KCTD2: variants seen among roughly 807,000 people sequenced by gnomAD.
KCTD2 encodes BTB/POZ domain-containing protein KCTD2.
A neutral mutation model predicts 27.9 loss-of-function variants in KCTD2; 18 were observed. That is an observed-to-expected ratio of 0.64 (90% CI 0.45 to 0.96). KCTD2 has a LOEUF of 0.96. KCTD2 is among the 40% of genes least tolerant of loss of function. The pLI is 0.00. For synonymous variants in KCTD2, 175 were observed against 148.4 expected, an observed-to-expected ratio of 1.18 and a Z score of -1.30; for missense variants, 280 against 348.0, an observed-to-expected ratio of 0.80 and a Z score of 1.56.
chr17:75,034,823 CG>C (rs898936375), intron 2 of KCTD2, among the ~76,000 whole-genome samples: 3 of 152,080 alleles, frequency 2.0e-5, no homozygotes, highest in African/African-American at 4.8e-5. Context: ...TGCTGGGATT[CG>C]GGCAAGGGCT....
intron 4 of KCTD2, chr17:75,060,731 G>A (rs1010067775): frequency 3.1e-5 from 24 of 772,292 alleles, no homozygotes; most frequent in Non-Finnish European, 3.8e-5. Context: ...GGGATCAACC[G>A]CCTGAGTAAA....
chr17:75,032,591 C>T (rs1162509731), upstream of KCTD2: 1 of 152,948 alleles, frequency 6.5e-6, no homozygotes, highest in South Asian at 2.1e-4. This position sits in a 1 kb window ranked among gnomAD's most constrained non-coding sequence, Gnocchi z 4.8. Context: ...GTTTTGCCTT[C>T]GAGGAGGGGT....
chr17:75,055,542 C>A (rs954248960), intron 3 of KCTD2, among the ~76,000 whole-genome samples: 5 of 150,574 alleles, frequency 3.3e-5, no homozygotes, highest in Non-Finnish European at 7.4e-5. Flanking sequence ...ATGGTGAAAC[C>A]CTGTCTACTG....
chr17:75,046,656 C>A (rs900101256), upstream of KCTD2, among the ~76,000 whole-genome samples: 1 of 152,246 alleles, frequency 6.6e-6, no homozygotes, highest in Non-Finnish European at 1.5e-5. Context: ...GCGCTGGGAG[C>A]GGACTGCACG....
At chr17:75,055,842 AAAAG>A (rs529126364) in intron 3 of KCTD2, among the ~76,000 whole-genome samples, 169 of 151,490 alleles carry the variant, frequency 1.1e-3, no homozygotes, top group African/African-American at 3.0e-3. Context: ...TAAAAAAAAA[AAAAG>A]AAAGAAAGAA....
chr17:75,042,511 T>C, upstream of KCTD2: 1 of 1,600,580 alleles, frequency 6.2e-7, no homozygotes, highest in African/African-American at 1.3e-5. Flanking sequence ...TGGGGTTCCC[T>C]CTCAGAAACA....
chr17:75,059,744 AAG>A, intron 4 of KCTD2, 139 bp downstream of exon 4: 5 of 643,306 alleles, frequency 7.8e-6, no homozygotes, highest in South Asian at 5.9e-5. Context: ...AACATGGGCA[AAG>A]AGCCATTTGG....
At chr17:75,054,062 G>A (rs1692893211) in intron 3 of KCTD2, among the ~76,000 whole-genome samples, 1 of 151,778 alleles carries the variant, frequency 6.6e-6, no homozygotes, top group Admixed American at 6.6e-5. Context: ...CCGTTGCCCA[G>A]GTTGGAGTGC....
At chr17:75,052,449 G>A (rs962576302) in intron 2 of KCTD2, among the ~76,000 whole-genome samples, 3 of 152,114 alleles carry the variant, frequency 2.0e-5, no homozygotes, top group Middle Eastern at 3.2e-3. Flanking sequence ...GGCTGGGTGC[G>A]GTGGCTTTAC....
chr17:75,053,324 C>T (rs916793238), intron 3 of KCTD2, among the ~76,000 whole-genome samples: 1 of 152,140 alleles, frequency 6.6e-6, no homozygotes, highest in Non-Finnish European at 1.5e-5. Flanking sequence ...AGAAGATTGT[C>T]GCTGCTTACC....
intron 1 of KCTD2, chr17:75,033,940 C>CT (rs1260506642): frequency 6.6e-6 from 1 of 152,272 alleles, no homozygotes; most frequent in African/African-American, 2.4e-5. Flanking sequence ...CACTGGCCTC[C>CT]TAAGCCAGGG....
chr17:75,060,441 C>T, intron 4 of KCTD2: 1 of 1,603,608 alleles, frequency 6.2e-7, no homozygotes, highest in Non-Finnish European at 8.5e-7. Flanking sequence ...CAAAAAAGTC[C>T]TCTAACATAA....
chr17:75,061,402 T>C (rs2073402737), intron 4 of KCTD2, among the ~76,000 whole-genome samples: 1 of 152,188 alleles, frequency 6.6e-6, no homozygotes. Flanking sequence ...CTCGGCACTT[T>C]GGGAGGCCAC....
chr17:75,034,667 C>T (rs1424161541), intron 2 of KCTD2, among the ~76,000 whole-genome samples: 2 of 152,156 alleles, frequency 1.3e-5, no homozygotes, highest in African/African-American at 4.8e-5. Context: ...ACAAGAGCTC[C>T]ATGCGGTGAC....
rs750712497 is a variant in KCTD2 at position 75,063,401 on chromosome 17, T to C, written c.*354T>C. The C allele has an allele frequency of 3.0e-5, 9 of 297,032 alleles. No individual in the cohort carries two copies. Among genetic ancestry groups the C allele is most frequent in the Non-Finnish European group, 5.2e-5 (8 of 153,712 alleles). 18.4% of individuals were successfully genotyped at this position (297,032 alleles called of 1,614,324 possible). A position where few individuals can be genotyped will look rare whatever the true frequency, so the allele number is the denominator to read the frequency against. On this transcript the variant is annotated 3_prime_UTR_variant, in exon 6 of 6. Transcript: ENST00000322444. ...AGCTCCTTGGAAATGGCCTGTACTT[T>C]AAGGACGCTGGAGCCAAGAGGATTG...
intron 3 of KCTD2, chr17:75,040,355 C>A: frequency 1.6e-6 from 1 of 631,926 alleles, no homozygotes. Flanking sequence ...GAATATTAGA[C>A]TGGGAACAGG....
intron 4 of KCTD2, 105 bp downstream of exon 4, chr17:75,059,710 C>A (rs183456120): frequency 2.4e-6 from 2 of 827,518 alleles, no homozygotes; most frequent in Admixed American, 4.7e-5. Flanking sequence ...GAGACGGCTA[C>A]GGCCAGGTGG....
At position 75,056,293 on chromosome 17, in the gene KCTD2, G is replaced by A. The variant is rs185087843; in HGVS notation, c.540+3188G>A. On this transcript the variant is annotated intron_variant, in intron 3 of 5. Coordinates refer to ENST00000322444, the MANE Select transcript of KCTD2 (RefSeq NM_015353.3). ...AGTCTCTTTGCTATCTTACCTTTAC[G>A]TGGTATCTTTCACTATTGTAGATAT... Among the ~76,000 whole-genome samples the A allele has an allele frequency of 4.5e-4, 69 of 152,198 alleles. 1 individual carries two copies. In the East Asian group the frequency reaches 5.2e-3, roughly 11 times the overall value.
intron 3 of KCTD2, among the ~76,000 whole-genome samples, chr17:75,035,738 C>A (rs1356148098): frequency 6.6e-6 from 1 of 152,146 alleles, no homozygotes; most frequent in African/African-American, 2.4e-5. Flanking sequence ...GCGGAGGCAG[C>A]AGGAGAATCG....
Sources: allele counts gnomAD v4.1 joint callset (sites outside exome capture counted in the v4.1 genomes callset), GRCh38; gene constraint gnomAD v4.1.1; non-coding constraint Gnocchi (gnomAD v3.1); transcripts MANE v1.5; gene names NCBI Gene and HGNC (gene_info 2026-07-23, HGNC 2026-07-21).